TOGARAM1: variants seen among roughly 807,000 people sequenced by gnomAD.
TOGARAM1 encodes the protein TOG array regulator of axonemal microtubules 1.
A neutral mutation model predicts 166.6 loss-of-function variants in TOGARAM1; 100 were observed. The ratio of observed to expected loss-of-function variants is 0.60; its 90% CI spans 0.51 to 0.71. The LOEUF (loss-of-function observed/expected upper bound fraction) is 0.71, where lower values mean the gene tolerates loss of function less well. Ranked by LOEUF, TOGARAM1 falls within the 30% of genes least tolerant of loss-of-function variation. The pLI, the probability that TOGARAM1 is intolerant of heterozygous loss-of-function variation, is 0.00. For missense variants in TOGARAM1, 2,029 were observed against 2,102.7 expected (o/e 0.96, Z 0.69); for synonymous variants, 758 against 763.8 (o/e 0.99, Z 0.13).
chr14:44,991,471 A>G (rs1566614437), intron 1 of TOGARAM1, among the ~76,000 whole-genome samples: 1 of 152,182 alleles, frequency 6.6e-6, no homozygotes, highest in Non-Finnish European at 1.5e-5. Context: ...AGTCAATGGA[A>G]TATTAGGCAG....
intron 15 of TOGARAM1, among the ~76,000 whole-genome samples, chr14:45,053,827 A>G (rs1882498848): frequency 6.6e-6 from 1 of 152,138 alleles, no homozygotes; most frequent in African/African-American, 2.4e-5. Context: ...CATATATTCT[A>G]CATAGATTTT....
intron 1 of TOGARAM1, among the ~76,000 whole-genome samples, chr14:44,993,396 T>C (rs1451091210): frequency 1.3e-5 from 2 of 152,208 alleles, no homozygotes; most frequent in African/African-American, 2.4e-5. Context: ...TGCTTTTTTA[T>C]AATGTTTTAA....
chr14:45,008,060 A>G (rs2138850783), intron 5 of TOGARAM1: 1 of 152,274 alleles, frequency 6.6e-6, no homozygotes, highest in Non-Finnish European at 1.5e-5. Flanking sequence ...AACTATGAAG[A>G]CTTAAGAAAT....
chr14:44,968,899 A>G (rs1885712808), intron 1 of TOGARAM1, among the ~76,000 whole-genome samples: 1 of 152,154 alleles, frequency 6.6e-6, no homozygotes, highest in African/African-American at 2.4e-5. Context: ...TCTGTTCTCT[A>G]CATGTACATT....
intron 6 of TOGARAM1, 66 bp downstream of exon 6, chr14:45,009,211 C>A: frequency 8.5e-7 from 1 of 1,178,608 alleles, no homozygotes; most frequent in Non-Finnish European, 1.2e-6. Flanking sequence ...GCCCTAATAT[C>A]ATATTTGTAA....
chr14:45,048,077 G>A (rs1882166901), intron 14 of TOGARAM1, among the ~76,000 whole-genome samples: 2 of 148,992 alleles, frequency 1.3e-5, no homozygotes, highest in East Asian at 2.0e-4. Context: ...AAAAAGGCTG[G>A]TTGTGGTGGC....
chr14:45,049,916 C>A (rs190311349), intron 14 of TOGARAM1, among the ~76,000 whole-genome samples: 299 of 152,104 alleles, frequency 2.0e-3, no homozygotes, highest in African/African-American at 7.1e-3. Flanking sequence ...TTCTTTCTAG[C>A]CCATTTTGTC....
intron 7 of TOGARAM1, among the ~76,000 whole-genome samples, chr14:45,014,043 C>CTTTTT (rs33935090): frequency 3.1e-5 from 4 of 127,874 alleles, no homozygotes; most frequent in African/African-American, 5.9e-5. Context: ...GTTGCGTAAT[C>CTTTTT]TTTTTTTTTT....
intron 13 of TOGARAM1, among the ~76,000 whole-genome samples, chr14:45,045,421 A>G (rs1025185143): frequency 4.7e-5 from 7 of 150,480 alleles, no homozygotes; most frequent in African/African-American, 1.7e-4. Context: ...AGGTGAGAAC[A>G]TATGGTTTTT....
chr14:45,004,110 T>A lies in TOGARAM1; in HGVS notation c.2388T>A (p.Ser796Arg), dbSNP rs772517997. 6.2e-7 allele frequency: 1 copy of A among 1,614,086 alleles called. No homozygotes were observed. The highest frequency in any genetic ancestry group is 2.2e-5 in the East Asian group (1 of 44,864). ...GTAAGACACAGCAAACATTTGGTAG[T>A]CAAACAGAGTGTACTTCCTCAAATG... ...FGSKTQQTFGSQTECTSSNGQ... is the reference protein window; with the variant it reads ...FGSKTQQTFGRQTECTSSNGQ... The change falls in exon 4 of 20, where the codon AGT becomes AGA. Residue 796 changes from serine to arginine, a missense_variant. By Grantham distance (110) the Ser-to-Arg change is moderately radical (BLOSUM62 -1). Coordinates refer to ENST00000361462, the MANE Select transcript of TOGARAM1 (RefSeq NM_001308120.2).
At chr14:45,058,266 A>G (rs1249358975) in intron 16 of TOGARAM1, among the ~76,000 whole-genome samples, 9 of 149,162 alleles carry the variant, frequency 6.0e-5, no homozygotes, top group African/African-American at 2.2e-4. Flanking sequence ...GCTACACCTG[A>G]TCACTTTTGG....
chr14:45,054,347 G>C, intron 15 of TOGARAM1, 84 bp from the exon 16 acceptor site: 1 of 795,180 alleles, frequency 1.3e-6, no homozygotes, highest in Non-Finnish European at 2.0e-6. Flanking sequence ...AATCAATGAT[G>C]CCTACTTTGA....
chr14:45,012,353 T>C (rs1427900434), intron 7 of TOGARAM1, among the ~76,000 whole-genome samples: 4 of 152,198 alleles, frequency 2.6e-5, no homozygotes, highest in African/African-American at 4.8e-5. Context: ...GTGTGGAGTG[T>C]TATTTAGCTG....
intron 11 of TOGARAM1, among the ~76,000 whole-genome samples, chr14:45,034,524 C>A (rs1312980733): frequency 1.3e-5 from 2 of 152,062 alleles, no homozygotes; most frequent in Non-Finnish European, 2.9e-5. Flanking sequence ...AAGAACCACT[C>A]AAAAAAGTTA....
chr14:45,013,656 C>T (rs1378143137), intron 7 of TOGARAM1, among the ~76,000 whole-genome samples: 1 of 152,188 alleles, frequency 6.6e-6, no homozygotes, highest in Non-Finnish European at 1.5e-5. Context: ...AATCTAAGTT[C>T]ATGACATATA....
chr14:45,041,946 A>G (rs1322777894), intron 11 of TOGARAM1, among the ~76,000 whole-genome samples: 5 of 152,168 alleles, frequency 3.3e-5, no homozygotes, highest in African/African-American at 1.2e-4. Flanking sequence ...TATTTTTTGT[A>G]GAGACAGAGT....
intron 10 of TOGARAM1, among the ~76,000 whole-genome samples, chr14:45,028,710 A>G (rs1881002074): frequency 6.6e-6 from 1 of 152,116 alleles, no homozygotes; most frequent in South Asian, 2.1e-4. Context: ...AGTACCTACT[A>G]TGTTTTGTGC....
chr14:45,012,228 A>T (rs1458478393), intron 7 of TOGARAM1, among the ~76,000 whole-genome samples, 153 bp downstream of exon 7: 1 of 152,222 alleles, frequency 6.6e-6, no homozygotes, highest in Non-Finnish European at 1.5e-5. Context: ...TTTGACAGGA[A>T]TATGATATTG....
chr14:44,967,139 T>G (rs1885600575), intron 1 of TOGARAM1, among the ~76,000 whole-genome samples: 1 of 152,220 alleles, frequency 6.6e-6, no homozygotes. Flanking sequence ...TTCTTGCCAT[T>G]GTGGTTTGAC....
Sources: allele counts gnomAD v4.1 joint callset (sites outside exome capture counted in the v4.1 genomes callset), GRCh38; gene constraint gnomAD v4.1.1; transcripts MANE v1.5; gene names NCBI Gene and HGNC (gene_info 2026-07-23, HGNC 2026-07-21).